LARS2: variants seen among roughly 807,000 people sequenced by gnomAD.
LARS2 encodes leucine--tRNA ligase, mitochondrial.
In LARS2, 81 loss-of-function variants were observed where a neutral mutation model predicts 116.6. That is an observed-to-expected ratio of 0.69 (90% CI 0.58 to 0.84). LARS2 has a LOEUF of 0.84. Ranked by LOEUF, LARS2 falls within the 40% of genes least tolerant of loss-of-function variation. The pLI, the probability that LARS2 is intolerant of heterozygous loss-of-function variation, is 0.00. For synonymous variants in LARS2, 396 were observed against 407.2 expected, an observed-to-expected ratio of 0.97 and a Z score of 0.33; for missense variants, 968 against 1,114.5, an observed-to-expected ratio of 0.87 and a Z score of 1.87.
rs569783381 is a variant in LARS2, at chr3:45,463,945, C to T, written c.750+5059C>T. On this transcript the variant is annotated intron_variant, in intron 8 of 21. Coordinates refer to ENST00000645846, the MANE Select transcript of LARS2 (RefSeq NM_015340.4). ...CAGAATGTCTACAAGGGAGCATCTT[C>T]TTGCCCTCCAGATGTGCAGGAAACC... Among the ~76,000 whole-genome samples the T allele has an allele frequency of 4.6e-5, 7 of 152,346 alleles. No individual in the cohort carries two copies. In the South Asian group the frequency reaches 1.4e-3, roughly 32 times the overall value.
At chr3:45,451,719 G>GT (rs574009273) in intron 7 of LARS2, among the ~76,000 whole-genome samples, 1 of 151,952 alleles carries the variant, frequency 6.6e-6, no homozygotes, top group East Asian at 1.9e-4. Context: ...GATTTTAGGG[G>GT]TTTTTTTCTA....
chr3:45,431,049 C>A (rs1471517709), intron 6 of LARS2, among the ~76,000 whole-genome samples: 1 of 152,024 alleles, frequency 6.6e-6, no homozygotes, highest in African/African-American at 2.4e-5. Context: ...GAAATTAGTA[C>A]CCTTATATGA....
intron 4 of LARS2, among the ~76,000 whole-genome samples, chr3:45,407,483 G>A (rs533346629): frequency 6.6e-6 from 1 of 152,322 alleles, no homozygotes; most frequent in East Asian, 1.9e-4. Context: ...CATTCCCAGA[G>A]GAGGTCTGCT....
At chr3:45,395,143 C>T (rs1221964182) in intron 3 of LARS2, among the ~76,000 whole-genome samples, 1 of 152,192 alleles carries the variant, frequency 6.6e-6, no homozygotes, top group African/African-American at 2.4e-5. Context: ...AGGAGAGGCA[C>T]CTGGGCTCCT....
At position 45,540,389 on chromosome 3, in the gene LARS2, A is replaced by G. The variant is rs539925085; in HGVS notation, c.2405-1440A>G. On this transcript the variant is annotated intron_variant, in intron 20 of 21. Transcript: ENST00000645846. The stretch of plus-strand genomic sequence containing the variant: ...AAGGAAGATAAAACAAAAAGTTGTC[A>G]TTCACAACCCAGTGTTATTGGGGCT... Among the ~76,000 whole-genome samples, 51 of 152,344 alleles carry G rather than the reference A, an allele frequency of 3.3e-4. 2 individuals are homozygous for G. In the South Asian group the frequency reaches 8.7e-3, roughly 26 times the overall value.
intron 6 of LARS2, among the ~76,000 whole-genome samples, chr3:45,430,117 G>A (rs1231152345): frequency 1.4e-5 from 2 of 141,846 alleles, no homozygotes; most frequent in African/African-American, 5.3e-5. Context: ...GACTACAGGT[G>A]CCTGCCACCA....
At chr3:45,435,122 C>G (rs1698777542) in intron 6 of LARS2, among the ~76,000 whole-genome samples, 1 of 152,102 alleles carries the variant, frequency 6.6e-6, no homozygotes, top group Admixed American at 6.5e-5. Flanking sequence ...GCATGTATCC[C>G]CACAGGGACT....
chr3:45,517,259 G>T (rs1011587825), intron 17 of LARS2, among the ~76,000 whole-genome samples: 2 of 152,230 alleles, frequency 1.3e-5, no homozygotes, highest in African/African-American at 4.8e-5. Context: ...ATTCAGGCTT[G>T]AGAATGCCTA....
chr3:45,393,337 G>A (rs566613578), intron 2 of LARS2, among the ~76,000 whole-genome samples: 13 of 151,740 alleles, frequency 8.6e-5, no homozygotes, highest in Non-Finnish European at 1.9e-4. Context: ...AGCACTTTGG[G>A]AGGCCAAGGT....
At chr3:45,479,911 G>C (rs1324203271) in intron 10 of LARS2, among the ~76,000 whole-genome samples, 1 of 152,164 alleles carries the variant, frequency 6.6e-6, no homozygotes, top group Non-Finnish European at 1.5e-5. Context: ...TGCTGAAAGG[G>C]CAGATGCGGT....
intron 4 of LARS2, among the ~76,000 whole-genome samples, chr3:45,415,883 AGAGAGAGAGG>A (rs1300110296): frequency 2.9e-5 from 3 of 103,492 alleles, no homozygotes; most frequent in Non-Finnish European, 5.0e-5. Flanking sequence ...ATATAGAGAG[AGAGAGAGAGG>A]GAGAGAGAGA....
intron 21 of LARS2, among the ~76,000 whole-genome samples, chr3:45,545,896 C>T (rs1700867909): frequency 6.6e-6 from 1 of 151,530 alleles, no homozygotes; most frequent in Non-Finnish European, 1.5e-5. Flanking sequence ...GGGAGTGCAG[C>T]TTAGTGAGCT....
intron 4 of LARS2, among the ~76,000 whole-genome samples, chr3:45,413,122 T>C (rs936332197): frequency 6.6e-6 from 1 of 152,236 alleles, no homozygotes; most frequent in African/African-American, 2.4e-5. Flanking sequence ...GGGTAAGAAC[T>C]TCCAATGCCT....
intron 20 of LARS2, among the ~76,000 whole-genome samples, chr3:45,528,362 T>C (rs1489397075): frequency 1.3e-5 from 2 of 152,154 alleles, no homozygotes; most frequent in Non-Finnish European, 2.9e-5. Context: ...AGTAAAATGA[T>C]TGTGTTCACT....
At chr3:45,401,750 G>C (rs551079951) in intron 4 of LARS2, among the ~76,000 whole-genome samples, 7 of 152,108 alleles carry the variant, frequency 4.6e-5, no homozygotes, top group African/African-American at 1.4e-4. Flanking sequence ...AAGTAGCTGG[G>C]ACTATAGGTG....
intron 4 of LARS2, among the ~76,000 whole-genome samples, chr3:45,404,356 G>A (rs1267914669): frequency 6.6e-6 from 1 of 152,144 alleles, no homozygotes; most frequent in Non-Finnish European, 1.5e-5. Context: ...AAACTTGTCT[G>A]GTCATTTTTA....
At chr3:45,545,250 G>T (rs567888216) in intron 21 of LARS2, among the ~76,000 whole-genome samples, 51 of 152,334 alleles carry the variant, frequency 3.3e-4, no homozygotes, top group African/African-American at 1.1e-3. Flanking sequence ...ATTAGCCATC[G>T]CAAGGCTACC....
chr3:45,533,996 C>T (rs1352312293), intron 20 of LARS2, among the ~76,000 whole-genome samples: 1 of 152,168 alleles, frequency 6.6e-6, no homozygotes, highest in Non-Finnish European at 1.5e-5. Flanking sequence ...TGAGCGTGTA[C>T]TATGTGTCAG....
At chr3:45,414,719 G>A (rs1698387335) in intron 4 of LARS2, among the ~76,000 whole-genome samples, 1 of 150,470 alleles carries the variant, frequency 6.6e-6, no homozygotes, top group African/African-American at 2.5e-5. Context: ...AACCAAACAA[G>A]ACCCTGTCTC....
Sources: allele counts gnomAD v4.1 joint callset (sites outside exome capture counted in the v4.1 genomes callset), GRCh38; gene constraint gnomAD v4.1.1; transcripts MANE v1.5; gene names NCBI Gene and HGNC (gene_info 2026-07-23, HGNC 2026-07-21).